Variants in SORCS3 observed in about 807,000 individuals in gnomAD.
SORCS3 encodes the protein sortilin related VPS10 domain containing receptor 3, also known as VPS10 domain-containing receptor SorCS3.
Under a neutral mutation model 146.3 loss-of-function variants are expected in SORCS3, and 57 were observed. That is an observed-to-expected ratio of 0.39 (90% confidence interval 0.31 to 0.49). SORCS3 has a LOEUF of 0.49. Ranked by LOEUF, SORCS3 falls within the 20% of genes least tolerant of loss-of-function variation. The pLI is 0.92. For synonymous variants in SORCS3, 653 were observed against 618.5 expected (o/e 1.06, Z -0.83); for missense variants, 1,341 against 1,575.5 (o/e 0.85, Z 2.52).
At chr10:104,858,620 T>A (rs1005525083) in intron 2 of SORCS3, among the ~76,000 whole-genome samples, 1 of 148,732 alleles carries the variant, frequency 6.7e-6, no homozygotes, top group Non-Finnish European at 1.5e-5. Context: ...TTAAGAGAAG[T>A]GTACTTTTTT....
chr10:104,751,332 C>T (rs1384869918), intron 1 of SORCS3, among the ~76,000 whole-genome samples: 5 of 152,122 alleles, frequency 3.3e-5, no homozygotes. Context: ...GGATTGGTCT[C>T]AAATGGCATT....
chr10:104,767,561 T>A (rs2017194853), intron 1 of SORCS3, among the ~76,000 whole-genome samples: 2 of 138,348 alleles, frequency 1.4e-5, no homozygotes, highest in Admixed American at 7.3e-5. Context: ...CCCTTCCCCC[T>A]TTCCCTTCCT....
At chr10:104,696,095 TATATC>T (rs1382471878) in intron 1 of SORCS3, among the ~76,000 whole-genome samples, 2 of 118,096 alleles carry the variant, frequency 1.7e-5, no homozygotes, top group African/African-American at 6.6e-5. Flanking sequence ...ACATATATAA[TATATC>T]ATATACACAT....
intron 4 of SORCS3, among the ~76,000 whole-genome samples, chr10:105,041,750 G>A (rs2055339820): frequency 6.6e-6 from 1 of 152,088 alleles, no homozygotes; most frequent in Non-Finnish European, 1.5e-5. Flanking sequence ...TCCAACTGTG[G>A]TGTGCTGGGA....
At chr10:104,849,329 T>A (rs1397753485) in intron 2 of SORCS3, among the ~76,000 whole-genome samples, 1 of 144,946 alleles carries the variant, frequency 6.9e-6, no homozygotes, top group Non-Finnish European at 1.5e-5. Context: ...GGAGAATCAC[T>A]TGAACGCGGG....
Position 105,172,236 on chromosome 10 carries a change from TGG to T in SORCS3, c.1901+4889_1901+4890del, listed in dbSNP as rs375762382. Among the ~76,000 whole-genome samples, 499 of 152,334 alleles carry T rather than the reference TGG, an allele frequency of 3.3e-3. 3 individuals are homozygous for T. Among genetic ancestry groups the T allele is most frequent in the African/African-American group, 0.011 (477 of 41,588 alleles). ...AGGCTAGAAAAGCCTTTTTAAGTTCTGGGAAATGACATGATATGCAACTCAAG... is the reference window on the plus strand; with the variant it reads ...AGGCTAGAAAAGCCTTTTTAAGTTCTGAAATGACATGATATGCAACTCAAG... On this transcript the variant is annotated intron_variant, in intron 13 of 26. Transcript: ENST00000369701.
At chr10:105,099,479 A>G (rs1272622962) in intron 6 of SORCS3, among the ~76,000 whole-genome samples, 1 of 152,214 alleles carries the variant, frequency 6.6e-6, no homozygotes, top group Non-Finnish European at 1.5e-5. Flanking sequence ...ACGGGACACC[A>G]TGTAATTAAA....
At chr10:104,790,199 A>G (rs1340407699) in intron 1 of SORCS3, among the ~76,000 whole-genome samples, 1 of 152,254 alleles carries the variant, frequency 6.6e-6, no homozygotes, top group Non-Finnish European at 1.5e-5. Context: ...TGCTGAAAAG[A>G]TAATGTAAGG....
chr10:105,242,450 TTA>T (rs1320348461), intron 20 of SORCS3, among the ~76,000 whole-genome samples: 4,545 of 89,138 alleles, frequency 0.051, 194 homozygotes, highest in South Asian at 0.093. Context: ...TTATATATAT[TTA>T]TATATATTTA....
intron 1 of SORCS3, among the ~76,000 whole-genome samples, chr10:104,682,771 C>T (rs1011720717): frequency 2.0e-5 from 3 of 152,210 alleles, no homozygotes; most frequent in Non-Finnish European, 2.9e-5. Flanking sequence ...ATGACACCTG[C>T]GTTAGGAAAC....
chr10:104,992,611 C>G (rs2055001287), intron 4 of SORCS3, among the ~76,000 whole-genome samples: 1 of 152,144 alleles, frequency 6.6e-6, no homozygotes. Context: ...TAACGTGGAT[C>G]CTAACTTTCT....
intron 22 of SORCS3, among the ~76,000 whole-genome samples, chr10:105,250,866 T>A (rs1432954301): frequency 6.6e-6 from 1 of 152,204 alleles, no homozygotes; most frequent in Non-Finnish European, 1.5e-5. Flanking sequence ...GCGGGCTGGC[T>A]CTTTCACTTT....
At chr10:104,664,197 C>T (rs1307215380) in intron 1 of SORCS3, among the ~76,000 whole-genome samples, 2 of 152,124 alleles carry the variant, frequency 1.3e-5, no homozygotes, top group East Asian at 3.9e-4. Flanking sequence ...GCAGCAGTTC[C>T]ATCTGTCTTT....
At chr10:105,165,544 A>G (rs1048807083) in intron 12 of SORCS3, among the ~76,000 whole-genome samples, 1 of 152,180 alleles carries the variant, frequency 6.6e-6, no homozygotes, top group African/African-American at 2.4e-5. Context: ...AAAAGCAACT[A>G]TGTCAAGTAC....
At chr10:104,742,236 T>A (rs866538961) in intron 1 of SORCS3, among the ~76,000 whole-genome samples, 28 of 152,158 alleles carry the variant, frequency 1.8e-4, no homozygotes, top group African/African-American at 5.8e-4. Flanking sequence ...AACCATCATC[T>A]CTTGAAGTTT....
intron 1 of SORCS3, among the ~76,000 whole-genome samples, chr10:104,706,213 T>C (rs1174291509): frequency 1.4e-5 from 2 of 138,240 alleles, no homozygotes; most frequent in East Asian, 2.0e-4. Context: ...TTTTTTTTTT[T>C]TTTTTTTTTT....
intron 20 of SORCS3, among the ~76,000 whole-genome samples, chr10:105,236,769 G>A (rs1397551948): frequency 1.3e-5 from 2 of 152,062 alleles, no homozygotes; most frequent in African/African-American, 4.8e-5. Flanking sequence ...TTATACTTCT[G>A]TAATAATTAT....
chr10:105,241,947 A>C (rs556234559), intron 20 of SORCS3, among the ~76,000 whole-genome samples: 1 of 152,230 alleles, frequency 6.6e-6, no homozygotes, highest in East Asian at 1.9e-4. Flanking sequence ...AATCAGAGAA[A>C]GCGCACCAAA....
chr10:105,225,453 T>C (rs1273269116), intron 20 of SORCS3, among the ~76,000 whole-genome samples: 1 of 152,066 alleles, frequency 6.6e-6, no homozygotes, highest in Non-Finnish European at 1.5e-5. Context: ...TCCTGTTTTT[T>C]TTCACCAATA....
Sources: gnomAD v4.1 joint callset for allele counts (sites outside exome capture counted in the v4.1 genomes callset) on GRCh38, gnomAD v4.1.1 for gene constraint, MANE v1.5 for transcripts, NCBI Gene and HGNC (gene_info 2026-07-23, HGNC 2026-07-21) for gene names.